GOLGA1: variants seen among roughly 807,000 people sequenced by gnomAD.
GOLGA1 encodes golgin A1.
A neutral mutation model predicts 119.7 loss-of-function variants in GOLGA1; 63 were observed. The observed-to-expected ratio is 0.53, with a 90% CI of 0.43 to 0.65. The LOEUF is 0.65. Ranked by LOEUF, GOLGA1 falls within the 30% of genes least tolerant of loss-of-function variation. The probability of loss-of-function intolerance (pLI) is 0.00; values close to 1 mark genes in which losing one functional copy is unlikely to be tolerated. For synonymous variants in GOLGA1, 318 were observed against 333.4 expected (o/e 0.95, Z 0.50); for missense variants, 798 against 912.8 (o/e 0.87, Z 1.62).
In GOLGA1 at chr9:124,880,313, G is replaced by C. The variant is rs1829545893; in HGVS notation, c.*217C>G. On this transcript the variant is annotated 3_prime_UTR_variant, in exon 23 of 23. Coordinates refer to ENST00000373555, the MANE Select transcript of GOLGA1 (RefSeq NM_002077.4). ...ACTGTGGAAATCTGGGTAGTGCCAGGACCCTCCTGTTTGGTGACCAGAATG... is the reference window on the plus strand; with the variant it reads ...ACTGTGGAAATCTGGGTAGTGCCAGCACCCTCCTGTTTGGTGACCAGAATG... 1 of 437,236 alleles carries C rather than the reference G, an allele frequency of 2.3e-6. No homozygotes were observed. The highest frequency in any genetic ancestry group is 3.5e-5 in the Admixed American group (1 of 28,938). The allele number at this position is 437,236 out of a possible 1,614,324, so 27.1% of individuals were successfully genotyped here.
At chr9:124,901,272 A>ATTT (rs35565039) in intron 12 of GOLGA1, among the ~76,000 whole-genome samples, 1 of 110,022 alleles carries the variant, frequency 9.1e-6, no homozygotes, top group Admixed American at 9.4e-5. Flanking sequence ...TGCCCGGCCT[A>ATTT]TTTTTTTTTT....
chr9:124,931,935 C>T (rs1340411979), intron 3 of GOLGA1, among the ~76,000 whole-genome samples: 2 of 152,186 alleles, frequency 1.3e-5, no homozygotes, highest in African/African-American at 2.4e-5. Context: ...ATGAGGCATA[C>T]ATTTTTCCCC....
intron 15 of GOLGA1, 50 bp from the exon 16 acceptor site, chr9:124,890,528 A>C (rs1417892780): frequency 4.4e-6 from 6 of 1,357,596 alleles, no homozygotes; most frequent in Non-Finnish European, 6.3e-6. Flanking sequence ...ACAGTTTTTT[A>C]GCTGTATGCC....
intron 3 of GOLGA1, among the ~76,000 whole-genome samples, chr9:124,933,850 G>A (rs1296147877): frequency 6.6e-6 from 1 of 151,908 alleles, no homozygotes; most frequent in Non-Finnish European, 1.5e-5. Flanking sequence ...TCATTGCTGG[G>A]AGAATGGAGC....
chr9:124,914,676 T>G (rs1830407085), intron 10 of GOLGA1, among the ~76,000 whole-genome samples: 1 of 152,240 alleles, frequency 6.6e-6, no homozygotes, highest in South Asian at 2.1e-4. Flanking sequence ...TCCTTACAAA[T>G]GCTCTTTATC....
At chr9:124,937,845 G>A (rs893528848) in intron 3 of GOLGA1, among the ~76,000 whole-genome samples, 5 of 152,074 alleles carry the variant, frequency 3.3e-5, no homozygotes, top group African/African-American at 9.7e-5. Context: ...CACTTTGGGA[G>A]GCCAAGGTGG....
intron 12 of GOLGA1, among the ~76,000 whole-genome samples, chr9:124,902,037 C>A (rs1830117704): frequency 1.3e-5 from 2 of 152,352 alleles, no homozygotes; most frequent in East Asian, 3.9e-4. Flanking sequence ...TTACCAGATT[C>A]AAGCTACATC....
chr9:124,934,671 C>G (rs1830830817), intron 3 of GOLGA1, among the ~76,000 whole-genome samples: 2 of 152,064 alleles, frequency 1.3e-5, no homozygotes, highest in South Asian at 4.2e-4. Context: ...TGAGTCTGTA[C>G]TTCATCCTGA....
intron 7 of GOLGA1, 151 bp downstream of exon 7, chr9:124,926,558 G>A (rs1196268184): frequency 1.4e-6 from 1 of 702,250 alleles, no homozygotes; most frequent in Non-Finnish European, 2.6e-6. Context: ...AAAAGGGGAG[G>A]ATCAGAGCTT....
chr9:124,921,837 G>T lies in GOLGA1; in HGVS notation c.617C>A (p.Thr206Asn), dbSNP rs149057997. 8.1e-6 allele frequency: 13 copies of T among 1,613,188 alleles called. No individual in the cohort carries two copies. The highest frequency in any genetic ancestry group is 1.1e-5 in the Non-Finnish European group (13 of 1,179,268). ...GKMEQELEAR[T>N]RELSRTQEEL... The stretch of plus-strand genomic sequence containing the variant: ...CTCCTGGGTACGACTAAGTTCTCTG[G>T]TTCGTGCCTCCAATTCTTGTTCCAT... The change falls in exon 9 of 23, where the codon ACC becomes AAC. Residue 206 changes from threonine (T) to asparagine (N), a missense_variant. Physicochemically the swap from Thr to Asn is moderately conservative, Grantham distance 65. Coordinates refer to ENST00000373555, the MANE Select transcript of GOLGA1 (RefSeq NM_002077.4).
At chr9:124,913,485 A>C (rs1216605476) in intron 10 of GOLGA1, among the ~76,000 whole-genome samples, 1 of 152,174 alleles carries the variant, frequency 6.6e-6, no homozygotes, top group Admixed American at 6.5e-5. Context: ...TTCAAGCCAT[A>C]AACTTTCATG....
rs766335418 is a variant in GOLGA1 at position 124,882,548 on chromosome 9, G to A, written c.1927C>T (p.Arg643Trp). The change falls in exon 20 of 23, where the codon CGG becomes TGG. Residue 643 changes from arginine to tryptophan, a missense_variant. Coordinates refer to ENST00000373555, the MANE Select transcript of GOLGA1 (RefSeq NM_002077.4). ...KNKTIKQMQQ[R>W]MLELRKTLQK... is the part of the protein sequence containing the mutation. Reference sequence around the variant, plus strand: ...AGAGTCTTCCGGAGCTCCAGCATCCGCTGCTGCATCTGCTTTATGGTCTGC... The same window carrying A: ...AGAGTCTTCCGGAGCTCCAGCATCCACTGCTGCATCTGCTTTATGGTCTGC... 6.8e-6 allele frequency: 11 copies of A among 1,612,280 alleles called. No homozygotes were observed. The highest frequency in any genetic ancestry group is 4.5e-5 in the East Asian group (2 of 44,890).
chr9:124,889,175 G>A lies in GOLGA1; in HGVS notation c.1729C>T (p.Gln577Ter). The A allele has an allele frequency of 1.2e-6, 2 of 1,612,140 alleles. No individual in the cohort carries two copies. Among genetic ancestry groups the A allele is most frequent in the Non-Finnish European group, 8.5e-7 (1 of 1,179,776 alleles). ...TCATTGACTGAGAGTGCTTCGGCCT[G>A]CAATGGGCCCCGCAGCCTCAGCAGG... is the stretch of plus-strand genomic sequence containing the variant. ...EDLLRLRGPL[Q>*]AEALSVNESH... The change falls in exon 18 of 23, where the codon CAG becomes TAG. Residue 577 changes from glutamine (Q) to a stop codon, truncating the protein, a stop_gained. Transcript: ENST00000373555. LOFTEE classifies it high-confidence loss of function.
intron 10 of GOLGA1, among the ~76,000 whole-genome samples, chr9:124,916,745 G>A (rs1193619859): frequency 6.6e-6 from 1 of 151,542 alleles, no homozygotes; most frequent in Non-Finnish European, 1.5e-5. Flanking sequence ...GTGTGGTAGT[G>A]TAAGCCTGTA....
At position 124,938,676 on chromosome 9, in the gene GOLGA1, C is replaced by G; in HGVS notation, c.36G>C (p.Glu12Asp). The part of the protein sequence containing the change: ...FAKLKKKIAE[E>D]TAVAQRPGGA... ...CTCCTGGCCTCTGAGCAACAGCAGTCTCTTCTGCAATTTTCTTCTTCAGTT... is the reference window on the plus strand; with the variant it reads ...CTCCTGGCCTCTGAGCAACAGCAGTGTCTTCTGCAATTTTCTTCTTCAGTT... The change falls in exon 3 of 23, where the codon GAG becomes GAC. Residue 12 changes from glutamate to aspartate, a missense_variant. Coordinates refer to ENST00000373555, the MANE Select transcript of GOLGA1 (RefSeq NM_002077.4). The G allele has an allele frequency of 6.2e-7, 1 of 1,613,582 alleles. No individual in the cohort carries two copies. The highest frequency in any genetic ancestry group is 8.5e-7 in the Non-Finnish European group (1 of 1,179,636).
Position 124,921,824 on chromosome 9 carries a change from A to C in GOLGA1, c.630T>G (p.Ser210Arg), listed in dbSNP as rs144968871. Residue 210 changes from serine to arginine, a missense_variant, in exon 9 of 23, where the codon AGT becomes AGG. Ser to Arg is a moderately radical substitution (Grantham distance 110). Coordinates refer to ENST00000373555, the MANE Select transcript of GOLGA1 (RefSeq NM_002077.4). The part of the protein sequence containing the change: ...QELEARTREL[S>R]RTQEELMNSN... ...AGTTCATCAACTCCTCCTGGGTACG[A>C]CTAAGTTCTCTGGTTCGTGCCTCCA... The C allele has an allele frequency of 1.2e-6, 2 of 1,613,316 alleles. No homozygotes were observed. Among genetic ancestry groups the C allele is most frequent in the African/African-American group, 2.7e-5 (2 of 74,926 alleles).
intron 3 of GOLGA1, among the ~76,000 whole-genome samples, chr9:124,935,096 A>G (rs183443386): frequency 1.1e-4 from 16 of 152,280 alleles, no homozygotes; most frequent in African/African-American, 3.6e-4. Flanking sequence ...GATAGACTAC[A>G]AGTTTGTCCC....
At chr9:124,895,729 A>C (rs1380524439) in intron 15 of GOLGA1, among the ~76,000 whole-genome samples, 3 of 139,102 alleles carry the variant, frequency 2.2e-5, no homozygotes, top group South Asian at 2.3e-4. Flanking sequence ...ACACAGAACC[A>C]TCCACAACAG....
chr9:124,938,206 G>A (rs1225832655), intron 3 of GOLGA1, among the ~76,000 whole-genome samples: 1 of 152,002 alleles, frequency 6.6e-6, no homozygotes, highest in Admixed American at 6.6e-5. Context: ...ACAACTCAGA[G>A]ACCTTGTTAA....
Sources: allele counts gnomAD v4.1 joint callset (sites outside exome capture counted in the v4.1 genomes callset), GRCh38; gene constraint gnomAD v4.1.1; transcripts MANE v1.5; gene names NCBI Gene and HGNC (gene_info 2026-07-23, HGNC 2026-07-21).